NAA40: variants seen among roughly 807,000 people sequenced by gnomAD.
The protein encoded by NAA40 is N-alpha-acetyltransferase 40.
NAA40 carries 26 observed loss-of-function variants against 36.6 expected under a neutral mutation model. The observed-to-expected ratio is 0.71, with a 90% CI of 0.52 to 0.98. NAA40 has a LOEUF of 0.98. Ranked by LOEUF, NAA40 falls within the 50% of genes least tolerant of loss-of-function variation. The pLI is 0.00. For missense variants in NAA40, 237 were observed against 306.5 expected (o/e 0.77, Z 1.69); for synonymous variants, 129 against 108.4 (o/e 1.19, Z -1.18).
rs774325813 is a variant in NAA40 at position 63,952,263 on chromosome 11, C to T, written c.181C>T (p.Arg61Ter). 2 of 1,613,022 alleles carry T rather than the reference C, an allele frequency of 1.2e-6. No individual in the cohort carries two copies. The highest frequency in any genetic ancestry group is 3.3e-5 in the Admixed American group (2 of 59,926). Residue 61 changes from arginine (R) to a stop codon, truncating the protein, a stop_gained, in exon 4 of 8, where the codon CGA becomes TGA. Coordinates refer to ENST00000377793, the MANE Select transcript of NAA40 (RefSeq NM_024771.4). LOFTEE classifies it high-confidence loss of function. ...NGLNVSIECK[R>*]VSGLEPATVD... ...GTTGAATGTCTCCATTGAATGTAAG[C>T]GAGTGTCTGGACTGGAGCCAGCCAC... is the stretch of plus-strand genomic sequence containing the variant.
intron 1 of NAA40, 147 bp from the exon 2 acceptor site, chr11:63,945,693 C>A (rs868469211): frequency 1.4e-6 from 1 of 695,656 alleles, no homozygotes; most frequent in Non-Finnish European, 2.5e-6. Flanking sequence ...GGTCTTTCCG[C>A]CCCTCCAAAT....
At chr11:63,945,583 C>T (rs897756689) in intron 1 of NAA40, among the ~76,000 whole-genome samples, 1 of 152,068 alleles carries the variant, frequency 6.6e-6, no homozygotes, top group Non-Finnish European at 1.5e-5. Context: ...TTCGCTGGGT[C>T]CCCACAGTGT....
chr11:63,952,854 C>T lies in NAA40; in HGVS notation c.494+15C>T, dbSNP rs1307848843. On this transcript the variant is annotated intron_variant, in intron 6 of 7. Transcript: ENST00000377793. Reference sequence around the variant, plus strand: ...ATGGCCAACAGGTAAGGCCTCCCTTCTTAGGAGGCCCATATAGCACTCAGT... The same window carrying T: ...ATGGCCAACAGGTAAGGCCTCCCTTTTTAGGAGGCCCATATAGCACTCAGT... 3.1e-6 allele frequency: 5 copies of T among 1,606,592 alleles called. No homozygotes were observed. The highest frequency in any genetic ancestry group is 4.3e-6 in the Non-Finnish European group (5 of 1,173,338).
chr11:63,955,816 C>T lies in NAA40; in HGVS notation c.*1337C>T, dbSNP rs1942356290. On this transcript the variant is annotated 3_prime_UTR_variant, in exon 8 of 8. Coordinates refer to ENST00000377793, the MANE Select transcript of NAA40 (RefSeq NM_024771.4). Reference sequence around the variant, plus strand: ...TGTTCCTCTTCCAGGGAAGAAAAGCCAAATCCTTATCAAGGAAAAAGCACC... The same window carrying T: ...TGTTCCTCTTCCAGGGAAGAAAAGCTAAATCCTTATCAAGGAAAAAGCACC... 1.3e-5 allele frequency: 2 copies of T among 152,292 alleles called. No individual in the cohort carries two copies. Among genetic ancestry groups the T allele is most frequent in the African/African-American group, 4.8e-5 (2 of 41,464 alleles). The allele number at this position is 152,292 out of a possible 1,614,324, so 9.4% of individuals were successfully genotyped here. A position where few individuals can be genotyped will look rare whatever the true frequency, so the allele number is the denominator to read the frequency against.
At chr11:63,953,941 TC>T in intron 6 of NAA40, 30 bp from the exon 7 acceptor site, 3 of 1,604,134 alleles carry the variant, frequency 1.9e-6, no homozygotes, top group Middle Eastern at 3.3e-4. Context: ...TGTTTCTCTT[TC>T]TAAAAGGCGT....
rs961924387 is a variant in NAA40, at chr11:63,939,198, C to T, written c.6+96C>T. The T allele has an allele frequency of 9.2e-5, 98 of 1,065,332 alleles. No homozygotes were observed. In the Admixed American group the frequency reaches 2.2e-3, roughly 24 times the overall value. The allele number at this position is 1,065,332 out of a possible 1,614,324, so 66.0% of individuals were successfully genotyped here. ...AAACCCCCCTCTCACGTGACCCCGA[C>T]CCCCTCCAGCCTCACGTGACCCCTG... On this transcript the variant is annotated intron_variant, in intron 1 of 7. Transcript: ENST00000377793.
At chr11:63,946,736 C>G in intron 2 of NAA40, 1 of 1,526,830 alleles carries the variant, frequency 6.5e-7, no homozygotes, top group Non-Finnish European at 8.8e-7. Context: ...TGATGCCAAA[C>G]TTAACTCTCC....
rs564774756 is a variant in NAA40 at position 63,953,777 on chromosome 11, A to C, written c.495-195A>C. On this transcript the variant is annotated intron_variant, in intron 6 of 7. Transcript: ENST00000377793. Reference sequence around the variant, plus strand: ...TGGGACTAAAGGCACATGCCACTATACTGGGCTGATTTTTTTAAATTTTTA... The same window carrying C: ...TGGGACTAAAGGCACATGCCACTATCCTGGGCTGATTTTTTTAAATTTTTA... Among the ~76,000 whole-genome samples, 4 of 152,082 alleles carry C rather than the reference A, an allele frequency of 2.6e-5. No individual in the cohort carries two copies. The East Asian group carries it at 7.8e-4, about 29-fold the overall frequency.
At chr11:63,945,126 C>A (rs979241380) in intron 1 of NAA40, among the ~76,000 whole-genome samples, 1 of 152,202 alleles carries the variant, frequency 6.6e-6, no homozygotes, top group African/African-American at 2.4e-5. Flanking sequence ...ACTTGCTGCT[C>A]CTCTGCTGCC....
rs773963375 is a variant in NAA40, at chr11:63,945,304, C to T, written c.7-536C>T. 7.2e-5 allele frequency among the ~76,000 whole-genome samples: 11 copies of T among 152,232 alleles called. No individual in the cohort carries two copies. In the South Asian group the frequency reaches 1.2e-3, roughly 17 times the overall value. ...GGGAATGGCTCTGTGTCCTTGAGTC[C>T]GAACACGGTGGCCCCCACTTGAAAT... On this transcript the variant is annotated intron_variant, in intron 1 of 7. Coordinates refer to ENST00000377793, the MANE Select transcript of NAA40 (RefSeq NM_024771.4).
rs1400398603 is a variant in NAA40 at position 63,957,095 on chromosome 11, T to G, written c.*2616T>G. ...TAAAATTTTAGTTATATCCACCCTA[T>G]TTCAGGTTATTTTTGTTGGTGTCAA... On this transcript the variant is annotated 3_prime_UTR_variant, in exon 8 of 8. Transcript: ENST00000377793. 6.6e-6 allele frequency: 1 copy of G among 151,722 alleles called. No homozygotes were observed. Among genetic ancestry groups the G allele is most frequent in the Non-Finnish European group, 1.5e-5 (1 of 67,954 alleles). 9.4% of individuals were successfully genotyped at this position (151,722 alleles called of 1,614,324 possible).
At chr11:63,939,995 T>C (rs1942081515) in intron 1 of NAA40, among the ~76,000 whole-genome samples, 1 of 151,800 alleles carries the variant, frequency 6.6e-6, no homozygotes, top group Non-Finnish European at 1.5e-5. Context: ...GCAGTATCAG[T>C]CACCCTCCTA....
chr11:63,956,529 C>G lies in NAA40; in HGVS notation c.*2050C>G, dbSNP rs988610688. On this transcript the variant is annotated 3_prime_UTR_variant, in exon 8 of 8. Transcript: ENST00000377793. ...TGCCATACCCTGCTCACCCTAGTCT[C>G]TGCAGGCCATGTCCTGAAGGGTTCC... The G allele has an allele frequency of 6.6e-6, 1 of 152,626 alleles. No individual in the cohort carries two copies. The highest frequency in any genetic ancestry group is 1.5e-5 in the Non-Finnish European group (1 of 68,046). The allele number at this position is 152,626 out of a possible 1,614,324, so 9.5% of individuals were successfully genotyped here.
At chr11:63,954,212 C>A in intron 7 of NAA40, 126 bp from the exon 8 acceptor site, 1 of 1,397,484 alleles carries the variant, frequency 7.2e-7, no homozygotes, top group Non-Finnish European at 9.7e-7. Flanking sequence ...TGATTTGGTC[C>A]ACTGTCCACC....
intron 1 of NAA40, among the ~76,000 whole-genome samples, chr11:63,945,291 G>T (rs1213379728): frequency 6.6e-6 from 1 of 152,186 alleles, no homozygotes; most frequent in African/African-American, 2.4e-5. Context: ...GAATGGCTCT[G>T]TGTCCTTGAG....
chr11:63,944,735 A>C (rs1169235181), intron 1 of NAA40, among the ~76,000 whole-genome samples: 1 of 151,904 alleles, frequency 6.6e-6, no homozygotes, highest in Non-Finnish European at 1.5e-5. Flanking sequence ...AAACCCCGTC[A>C]CTACTAAAAA....
intron 3 of NAA40, among the ~76,000 whole-genome samples, chr11:63,950,025 T>C (rs1942252505): frequency 6.6e-6 from 1 of 151,948 alleles, no homozygotes; most frequent in Admixed American, 6.6e-5. Context: ...ATTACAGGTG[T>C]GAGCCACCGT....
chr11:63,951,429 C>T (rs1590757774), intron 3 of NAA40, among the ~76,000 whole-genome samples: 1 of 152,024 alleles, frequency 6.6e-6, no homozygotes, highest in Non-Finnish European at 1.5e-5. Flanking sequence ...CTGCAACCTC[C>T]GCCTCCCAGG....
At position 63,952,427 on chromosome 11, in the gene NAA40, G is replaced by A; in HGVS notation, c.272G>A (p.Gly91Asp). Residue 91 changes from glycine (G) to aspartate (D), a missense_variant, in exon 5 of 8, where the codon GGC (glycine) becomes GAC (aspartate). Coordinates refer to ENST00000377793, the MANE Select transcript of NAA40 (RefSeq NM_024771.4). ...CCCAGGTATGAGCAGAGCGAGTGGGGCTGGAAGGACCGAGAGAAACGGGAG... is the reference window on the plus strand; with the variant it reads ...CCCAGGTATGAGCAGAGCGAGTGGGACTGGAAGGACCGAGAGAAACGGGAG... ...MQTMYEQSEW[G>D]WKDREKREEM... The A allele has an allele frequency of 3.1e-6, 5 of 1,614,230 alleles. No homozygotes were observed. In the South Asian group the frequency reaches 5.5e-5, roughly 18 times the overall value.
Sources: allele counts gnomAD v4.1 joint callset (sites outside exome capture counted in the v4.1 genomes callset), GRCh38; gene constraint gnomAD v4.1.1; transcripts MANE v1.5; gene names NCBI Gene and HGNC (gene_info 2026-07-23, HGNC 2026-07-21).